Variants in ABCA4 observed in about 807,000 individuals in gnomAD.
ABCA4 encodes ATP binding cassette subfamily A member 4, also known as retinal-specific phospholipid-transporting ATPase ABCA4.
In ABCA4, 196 loss-of-function variants were observed where a neutral mutation model predicts 263.7. That is an observed-to-expected ratio of 0.74 (90% CI 0.66 to 0.84). ABCA4 has a LOEUF of 0.84. Ranked by LOEUF, ABCA4 falls within the 40% of genes least tolerant of loss-of-function variation. ABCA4 has a pLI of 0.00. For missense variants in ABCA4, 2,792 were observed against 2,855.1 expected (o/e 0.98, Z 0.50); for synonymous variants, 1,133 against 1,094.2 (o/e 1.04, Z -0.70).
intron 2 of ABCA4, among the ~76,000 whole-genome samples, chr1:94,112,360 C>G (rs1662631245): frequency 6.6e-6 from 1 of 152,154 alleles, no homozygotes; most frequent in Admixed American, 6.5e-5. Context: ...TTTTCGAGAA[C>G]TCATCTACAA....
At chr1:94,082,074 C>T (rs1369140326) in intron 7 of ABCA4, among the ~76,000 whole-genome samples, 1 of 152,174 alleles carries the variant, frequency 6.6e-6, no homozygotes, top group Non-Finnish European at 1.5e-5. Context: ...CCCTCTGAAA[C>T]TGATGAGCCC....
chr1:93,998,215 G>A, intron 47 of ABCA4, 105 bp from the exon 48 acceptor site: 1 of 1,498,068 alleles, frequency 6.7e-7, no homozygotes, highest in Non-Finnish European at 9.2e-7. Flanking sequence ...ATTAAGCTCA[G>A]CTTGGTGGCT....
chr1:94,088,392 T>C (rs566988916), intron 6 of ABCA4, among the ~76,000 whole-genome samples: 4 of 152,292 alleles, frequency 2.6e-5, no homozygotes, highest in Non-Finnish European at 5.9e-5. Context: ...GATAGTCTCA[T>C]TTCCTTTATC....
chr1:94,021,845 C>T lies in ABCA4; in HGVS notation c.4773+1G>A, dbSNP rs61751376. The T allele has an allele frequency of 6.2e-7, 1 of 1,614,066 alleles. No homozygotes were observed. Among genetic ancestry groups the T allele is most frequent in the South Asian group, 1.1e-5 (1 of 91,078 alleles). On this transcript the variant is annotated splice_donor_variant, in intron 33 of 49. Coordinates refer to ENST00000370225, the MANE Select transcript of ABCA4 (RefSeq NM_000350.3). LOFTEE classifies it high-confidence loss of function. Reference sequence around the variant, plus strand: ...CTCAAATCTCCAGTCTGTTTACATACCCCGCTCACATTCATGATCCGGCCA... The same window carrying T: ...CTCAAATCTCCAGTCTGTTTACATATCCCGCTCACATTCATGATCCGGCCA...
chr1:94,011,501 A>T, intron 38 of ABCA4, 116 bp from the exon 39 acceptor site: 1 of 1,534,636 alleles, frequency 6.5e-7, no homozygotes, highest in South Asian at 1.1e-5. Flanking sequence ...GCAGACAGAG[A>T]GTCCTTGCAG....
rs757685827 is a variant in ABCA4, at chr1:94,021,733, A to G, written c.4774-19T>C. 1 of 1,597,182 alleles carries G rather than the reference A, an allele frequency of 6.3e-7. No individual in the cohort carries two copies. The highest frequency in any genetic ancestry group is 8.6e-7 in the Non-Finnish European group (1 of 1,165,710). ...TAGGGCCCTAAAAACCATGTAAACA[A>G]ACAAACAAGACGGTTTTAATTTTTT... is the stretch of plus-strand genomic sequence containing the variant. On this transcript the variant is annotated intron_variant, in intron 33 of 49. Coordinates refer to ENST00000370225, the MANE Select transcript of ABCA4 (RefSeq NM_000350.3).
intron 1 of ABCA4, among the ~76,000 whole-genome samples, chr1:94,114,488 C>A (rs868586451): frequency 2.7e-5 from 4 of 149,830 alleles, no homozygotes; most frequent in Non-Finnish European, 5.9e-5. Flanking sequence ...CCGTGAGGCA[C>A]TTTTTTTTTT....
At chr1:94,036,907 C>G (rs905674243) in intron 25 of ABCA4, 119 bp from the exon 26 acceptor site, 10 of 1,034,068 alleles carry the variant, frequency 9.7e-6, no homozygotes, top group Non-Finnish European at 1.5e-5. Context: ...CATTACGACT[C>G]TATCTGAGAA....
rs940769390 is a variant in ABCA4, at chr1:93,998,017, C to T, written c.6573G>A (p.Gly2191=). 6.2e-6 allele frequency: 10 copies of T among 1,614,034 alleles called. No homozygotes were observed. In the African/African-American group the frequency reaches 1.1e-4, roughly 17 times the overall value. ...DLNPVEQFFQ[G]NFPGSVQRER... ...CCCTCTGCACACTGCCTGGGAAGTTCCCCTGGAAGAACTGCTCCACAGGGT... is the reference window on the plus strand; with the variant it reads ...CCCTCTGCACACTGCCTGGGAAGTTTCCCTGGAAGAACTGCTCCACAGGGT... The change falls in exon 48 of 50, where the codon GGG becomes GGA. Residue 2191 remains glycine (G), a synonymous_variant. Transcript: ENST00000370225.
intron 48 of ABCA4, 143 bp from the exon 49 acceptor site, chr1:93,996,338 G>A (rs1659003333): frequency 4.2e-6 from 3 of 719,456 alleles, no homozygotes; most frequent in East Asian, 2.7e-5. Context: ...GGGGAGGCTG[G>A]CCCACTCACA....
chr1:94,049,401 G>A (rs484110), intron 17 of ABCA4, among the ~76,000 whole-genome samples: 49,290 of 151,988 alleles, frequency 0.32, 9,745 homozygotes, highest in Non-Finnish European at 0.45. Flanking sequence ...CAATGTAGGC[G>A]TATCATGAGG....
intron 6 of ABCA4, among the ~76,000 whole-genome samples, chr1:94,096,711 C>T (rs986862472): frequency 1.3e-5 from 2 of 152,160 alleles, no homozygotes; most frequent in African/African-American, 2.4e-5. Flanking sequence ...ACCCAGGTGC[C>T]GATTTACCCT....
intron 19 of ABCA4, among the ~76,000 whole-genome samples, chr1:94,046,573 G>A (rs1267264932): frequency 1.3e-5 from 2 of 152,018 alleles, no homozygotes; most frequent in African/African-American, 4.8e-5. Context: ...TGTTGAGATG[G>A]GGGGAAAGAC....
chr1:94,116,970 CTTT>C (rs1557812221), intron 1 of ABCA4, among the ~76,000 whole-genome samples: 101 of 66,740 alleles, frequency 1.5e-3, no homozygotes, highest in African/African-American at 5.3e-3. Flanking sequence ...CTTTCTTTCT[CTTT>C]CTTTCTTTCT....
In ABCA4 at chr1:94,077,685, C is replaced by T. The variant is rs1030394351; in HGVS notation, c.1554+5G>A. 4 of 1,608,432 alleles carry T rather than the reference C, an allele frequency of 2.5e-6. No individual in the cohort carries two copies. The highest frequency in any genetic ancestry group is 3.4e-6 in the Non-Finnish European group (4 of 1,176,348). ...GGGCCCACTGTGGGGCTTGCAGCCC[C>T]TTACCTCCAGGTATTGATTGACCAG... On this transcript the variant is annotated splice_donor_5th_base_variant and intron_variant, in intron 11 of 49. Coordinates refer to ENST00000370225, the MANE Select transcript of ABCA4 (RefSeq NM_000350.3).
chr1:94,008,235 C>A lies in ABCA4; in HGVS notation c.5898G>T (p.Glu1966Asp). The change falls in exon 42 of 50, where the codon GAG (glutamate) becomes GAT (aspartate). Residue 1966 changes from glutamate to aspartate, a missense_variant and splice_region_variant. Physicochemically the swap from Glu to Asp is conservative, Grantham distance 45. Coordinates refer to ENST00000370225, the MANE Select transcript of ABCA4 (RefSeq NM_000350.3). ...DRLCVGVRPG[E>D]CFGLLGVNGA... ...CACACGTGGTCTGCAGAGTACCCACCTCTCCAGGGCGAACTCCGACACACA... is the reference window on the plus strand; with the variant it reads ...CACACGTGGTCTGCAGAGTACCCACATCTCCAGGGCGAACTCCGACACACA... The A allele has an allele frequency of 6.2e-7, 1 of 1,614,126 alleles. No homozygotes were observed. The highest frequency in any genetic ancestry group is 8.5e-7 in the Non-Finnish European group (1 of 1,180,006).
chr1:94,101,213 C>T (rs1195999630), intron 5 of ABCA4, among the ~76,000 whole-genome samples: 1 of 152,248 alleles, frequency 6.6e-6, no homozygotes, highest in Admixed American at 6.5e-5. Flanking sequence ...AATTCCTGTC[C>T]TTATCTTCAT....
At chr1:94,007,863 C>A in intron 42 of ABCA4, 123 bp from the exon 43 acceptor site, 1 of 863,242 alleles carries the variant, frequency 1.2e-6, no homozygotes. Flanking sequence ...CATCAGAGGC[C>A]ACGAGCCATA....
At chr1:94,062,528 G>T in intron 13 of ABCA4, 49 bp downstream of exon 13, 1 of 1,100,506 alleles carries the variant, frequency 9.1e-7, no homozygotes, top group Non-Finnish European at 1.3e-6. Context: ...GCCCACTCCA[G>T]CACCCCCATT....
Sources: gnomAD v4.1 joint callset for allele counts (sites outside exome capture counted in the v4.1 genomes callset) on GRCh38, gnomAD v4.1.1 for gene constraint, MANE v1.5 for transcripts, NCBI Gene and HGNC (gene_info 2026-07-23, HGNC 2026-07-21) for gene names.